EDIL3: variants seen among roughly 807,000 people sequenced by gnomAD.
The protein encoded by EDIL3 is EGF like and discoidin domains 3.
EDIL3 carries 37 observed loss-of-function variants against 67.4 expected under a neutral mutation model. The observed-to-expected ratio is 0.55, with a 90% CI of 0.42 to 0.72. The LOEUF is 0.72. Among genes scored for constraint, EDIL3 ranks in the 30% least tolerant of loss-of-function variants. The pLI, the probability that EDIL3 is intolerant of heterozygous loss-of-function variation, is 0.00. For missense variants in EDIL3, 527 were observed against 586.3 expected (o/e 0.90, Z 1.04); for synonymous variants, 195 against 196.3 (o/e 0.99, Z 0.05).
intron 1 of EDIL3, among the ~76,000 whole-genome samples, chr5:84,373,508 T>C (rs901458735): frequency 3.9e-5 from 6 of 152,196 alleles, no homozygotes; most frequent in East Asian, 1.9e-4. Context: ...CCAGGATCTA[T>C]AGATGCTATC....
intron 9 of EDIL3, among the ~76,000 whole-genome samples, chr5:84,052,420 G>A (rs1455866277): frequency 1.3e-5 from 2 of 151,004 alleles, no homozygotes; most frequent in Non-Finnish European, 2.9e-5. Flanking sequence ...AAAATAGCCA[G>A]CTAACATCAT....
At chr5:83,967,279 C>T (rs1378046842) in intron 9 of EDIL3, among the ~76,000 whole-genome samples, 2 of 151,998 alleles carry the variant, frequency 1.3e-5, no homozygotes, top group Non-Finnish European at 2.9e-5. Context: ...TGAGACTGTG[C>T]CACTGTACTC....
chr5:84,211,391 G>C (rs1744114637), intron 3 of EDIL3, among the ~76,000 whole-genome samples: 1 of 152,176 alleles, frequency 6.6e-6, no homozygotes, highest in Non-Finnish European at 1.5e-5. Context: ...GCAGATGCCA[G>C]CACTATGCTT....
At chr5:84,090,573 C>T (rs1468204258) in intron 6 of EDIL3, among the ~76,000 whole-genome samples, 1 of 152,062 alleles carries the variant, frequency 6.6e-6, no homozygotes, top group Non-Finnish European at 1.5e-5. Context: ...ATTTAAAAAG[C>T]TCTTCAGATA....
intron 10 of EDIL3, among the ~76,000 whole-genome samples, chr5:83,952,031 C>T (rs1010167293): frequency 6.6e-5 from 10 of 151,740 alleles, no homozygotes; most frequent in African/African-American, 2.4e-4. Context: ...GGCAGAGTGG[C>T]CATCTCCATT....
At chr5:84,050,101 G>A (rs1746303134) in intron 9 of EDIL3, among the ~76,000 whole-genome samples, 1 of 150,918 alleles carries the variant, frequency 6.6e-6, no homozygotes, top group Admixed American at 6.6e-5. Context: ...GGGAGGCTGA[G>A]GCAGGAGAAT....
chr5:84,090,136 A>G (rs1213320792), intron 6 of EDIL3, among the ~76,000 whole-genome samples: 1 of 152,232 alleles, frequency 6.6e-6, no homozygotes, highest in Non-Finnish European at 1.5e-5. Context: ...TCCCTTGGAA[A>G]CAATTAAGCA....
chr5:84,110,065 G>A (rs1747532351), intron 5 of EDIL3, among the ~76,000 whole-genome samples: 1 of 152,128 alleles, frequency 6.6e-6, no homozygotes. Flanking sequence ...TTTCGAGTAG[G>A]AGCTAGGTAT....
intron 4 of EDIL3, among the ~76,000 whole-genome samples, chr5:84,177,448 T>C (rs1240576258): frequency 6.6e-6 from 1 of 152,104 alleles, no homozygotes; most frequent in Non-Finnish European, 1.5e-5. Context: ...AAAGGATAAA[T>C]AGGTGTACAG....
intron 1 of EDIL3, among the ~76,000 whole-genome samples, chr5:84,382,142 CTATT>C (rs1215462129): frequency 2.0e-5 from 3 of 152,186 alleles, no homozygotes; most frequent in Non-Finnish European, 4.4e-5. Context: ...GCAAAATGGT[CTATT>C]TATTTTTCCT....
intron 1 of EDIL3, among the ~76,000 whole-genome samples, chr5:84,364,981 T>G (rs1269773600): frequency 1.3e-5 from 2 of 150,908 alleles, no homozygotes; most frequent in Non-Finnish European, 3.0e-5. Flanking sequence ...TATACTTAAC[T>G]TAAATATCTT....
At chr5:84,378,176 A>G (rs1015091556) in intron 1 of EDIL3, among the ~76,000 whole-genome samples, 1 of 152,230 alleles carries the variant, frequency 6.6e-6, no homozygotes, top group African/African-American at 2.4e-5. Context: ...CATTGTTCAG[A>G]TATCTAGCTA....
At position 83,994,543 on chromosome 5, in the gene EDIL3, C is replaced by G. The variant is rs374645658; in HGVS notation, c.1138-31183G>C. 3.9e-5 allele frequency among the ~76,000 whole-genome samples: 6 copies of G among 152,042 alleles called. No homozygotes were observed. In the East Asian group the frequency reaches 1.2e-3, roughly 29 times the overall value. On this transcript the variant is annotated intron_variant, in intron 9 of 10. Transcript: ENST00000296591. ...TCACTCATTTAATAAGCTGTTTTTC[C>G]TATAATGGCTGAACAAGAGAAAGAT...
At chr5:84,312,280 G>A (rs1381182109) in intron 1 of EDIL3, among the ~76,000 whole-genome samples, 5 of 137,474 alleles carry the variant, frequency 3.6e-5, no homozygotes, top group African/African-American at 6.0e-5. Context: ...CTGGCCGGGC[G>A]GGGGCTGACC....
chr5:84,160,626 C>G (rs963251101), intron 4 of EDIL3, among the ~76,000 whole-genome samples: 2 of 152,084 alleles, frequency 1.3e-5, no homozygotes, highest in Non-Finnish European at 2.9e-5. Flanking sequence ...TATTCAGCTG[C>G]AGGTAATGGT....
At position 84,271,460 on chromosome 5, in the gene EDIL3, T is replaced by TAA. The variant is rs1429529218; in HGVS notation, c.68-17249_68-17248insTT. ...ATAAATAAATAAATAAATAAATAAATATAAAATAAAGGAGAGACTTAGTCT... is the reference window on the plus strand; with the variant it reads ...ATAAATAAATAAATAAATAAATAAATAAATAAAATAAAGGAGAGACTTAGTCT... On this transcript the variant is annotated intron_variant, in intron 1 of 10. Coordinates refer to ENST00000296591, the MANE Select transcript of EDIL3 (RefSeq NM_005711.5). Among the ~76,000 whole-genome samples the TAA allele has an allele frequency of 4.1e-4, 59 of 145,252 alleles. 1 individual carries two copies. The highest frequency in any genetic ancestry group is 1.5e-3 in the African/African-American group (58 of 39,070).
In EDIL3 at chr5:84,168,118, A is replaced by T. The variant is rs376504095; in HGVS notation, c.355+12275T>A. 1.4e-4 allele frequency among the ~76,000 whole-genome samples: 21 copies of T among 152,358 alleles called. No homozygotes were observed. In the East Asian group the frequency reaches 2.5e-3, roughly 18 times the overall value. On this transcript the variant is annotated intron_variant, in intron 4 of 10. Transcript: ENST00000296591. ...TTGCAAAATAAATTAAAATGTTGAG[A>T]GCAAAATCAATCATTCTAAAGGCTG...
At chr5:84,188,201 T>G (rs1201410853) in intron 3 of EDIL3, among the ~76,000 whole-genome samples, 1 of 152,066 alleles carries the variant, frequency 6.6e-6, no homozygotes, top group African/African-American at 2.4e-5. Context: ...GAGGTCTTTG[T>G]CCTTGTTTAC....
chr5:84,105,396 A>G (rs1747440749), intron 6 of EDIL3, among the ~76,000 whole-genome samples: 1 of 152,094 alleles, frequency 6.6e-6, no homozygotes, highest in African/African-American at 2.4e-5. Context: ...AATGCCTAAG[A>G]AATCTGAACA....
Sources: allele counts gnomAD v4.1 joint callset (sites outside exome capture counted in the v4.1 genomes callset), GRCh38; gene constraint gnomAD v4.1.1; transcripts MANE v1.5; gene names NCBI Gene and HGNC (gene_info 2026-07-23, HGNC 2026-07-21).